Variants in STOX2 observed in about 807,000 individuals in gnomAD.
STOX2 encodes storkhead box 2.
A neutral mutation model predicts 60.9 loss-of-function variants in STOX2; 28 were observed. The ratio of observed to expected loss-of-function variants is 0.46; its 90% CI spans 0.34 to 0.63. The LOEUF is 0.63. Ranked by LOEUF, STOX2 falls within the 30% of genes least tolerant of loss-of-function variation. The probability of loss-of-function intolerance (pLI) is 0.01; values close to 1 mark genes in which losing one functional copy is unlikely to be tolerated. For synonymous variants in STOX2, 472 were observed against 463.9 expected, an observed-to-expected ratio of 1.02 and a Z score of -0.22; for missense variants, 1,024 against 1,187.7, an observed-to-expected ratio of 0.86 and a Z score of 2.03.
At chr4:183,891,358 TTATATA>T (rs60300009) in intron 1 of STOX2, among the ~76,000 whole-genome samples, 1,335 of 84,722 alleles carry the variant, frequency 0.016, 16 homozygotes, top group Non-Finnish European at 0.02. Flanking sequence ...ATGATGGAAT[TTATATA>T]TATATATATA....
At chr4:183,832,821 G>A (rs1739606344) in intron 1 of STOX2, among the ~76,000 whole-genome samples, 1 of 152,088 alleles carries the variant, frequency 6.6e-6, no homozygotes, top group Non-Finnish European at 1.5e-5. Context: ...CTGTCGTTAG[G>A]CTCTTCCTCT....
chr4:183,885,542 C>T (rs1239616631), intron 1 of STOX2, among the ~76,000 whole-genome samples: 1 of 152,074 alleles, frequency 6.6e-6, no homozygotes, highest in African/African-American at 2.4e-5. Context: ...GTGCAGGGTG[C>T]CGGCTGCCTC....
chr4:183,933,795 A>G (rs988713814), intron 1 of STOX2, among the ~76,000 whole-genome samples: 2 of 152,212 alleles, frequency 1.3e-5, no homozygotes, highest in African/African-American at 4.8e-5. Context: ...TTTAAAGAGC[A>G]TTTATTATTT....
At chr4:183,841,207 T>G (rs1431165519) in intron 1 of STOX2, among the ~76,000 whole-genome samples, 1 of 150,788 alleles carries the variant, frequency 6.6e-6, no homozygotes, top group Non-Finnish European at 1.5e-5. Context: ...ATTTATTTAT[T>G]TATTTATTTA....
chr4:183,995,762 C>T (rs1421407309), intron 1 of STOX2, among the ~76,000 whole-genome samples: 1 of 152,210 alleles, frequency 6.6e-6, no homozygotes, highest in African/African-American at 2.4e-5. Flanking sequence ...GCCTTCTTGT[C>T]AACCAGGATC....
Position 183,906,731 on chromosome 4 carries a change from G to A in STOX2, c.-60G>A. The A allele has an allele frequency of 7.0e-7, 1 of 1,438,694 alleles. No homozygotes were observed. The highest frequency in any genetic ancestry group is 9.2e-7 in the Non-Finnish European group (1 of 1,086,986). 89.1% of individuals were successfully genotyped at this position (1,438,694 alleles called of 1,614,324 possible). On this transcript the variant is annotated 5_prime_UTR_variant, in exon 1 of 4. Transcript: ENST00000308497. ...GTGCCCGCCGTAGACGGATGAAGGAGCGCGCTGCGCCCCGGCGCTGAGGCC... is the reference window on the plus strand; with the variant it reads ...GTGCCCGCCGTAGACGGATGAAGGAACGCGCTGCGCCCCGGCGCTGAGGCC...
At chr4:183,863,196 T>C (rs906132186) in intron 1 of STOX2, among the ~76,000 whole-genome samples, 1 of 152,172 alleles carries the variant, frequency 6.6e-6, no homozygotes, top group African/African-American at 2.4e-5. Flanking sequence ...CTCCCAGCCC[T>C]GGAGAGTCCC....
chr4:183,998,284 G>T (rs953127809), intron 1 of STOX2, among the ~76,000 whole-genome samples: 2 of 152,100 alleles, frequency 1.3e-5, no homozygotes, highest in African/African-American at 4.8e-5. Context: ...CTTTTCATCT[G>T]ACTTTAAAAA....
chr4:183,946,991 A>G (rs1158686157), intron 1 of STOX2, among the ~76,000 whole-genome samples: 1 of 152,144 alleles, frequency 6.6e-6, no homozygotes, highest in South Asian at 2.1e-4. Flanking sequence ...ATGATTTAAA[A>G]TATATGTAGG....
chr4:183,894,552 CT>C (rs558976190), intron 1 of STOX2, among the ~76,000 whole-genome samples: 2,232 of 145,594 alleles, frequency 0.015, 47 homozygotes, highest in African/African-American at 0.047. Context: ...TATATGGGAC[CT>C]TTTTTTTTTT....
At position 183,865,651 on chromosome 4, in the gene STOX2, T is replaced by C. The variant is rs975287838; in HGVS notation, c.364+67596T>C. On this transcript the variant is annotated intron_variant, in intron 1 of 2. Transcript: ENST00000513034. The surrounding 1 kb of genome is among the most constrained non-coding windows in gnomAD (Gnocchi z 4.1). Reference sequence around the variant, plus strand: ...ATGGGATGTAAAGAAAAAAATTCACTGAAGAGGAGGTAGTGATTTATGCTA... The same window carrying C: ...ATGGGATGTAAAGAAAAAAATTCACCGAAGAGGAGGTAGTGATTTATGCTA... 1.3e-5 allele frequency among the ~76,000 whole-genome samples: 2 copies of C among 152,116 alleles called. No individual in the cohort carries two copies. Among genetic ancestry groups the C allele is most frequent in the African/African-American group, 4.8e-5 (2 of 41,424 alleles).
intron 1 of STOX2, among the ~76,000 whole-genome samples, chr4:183,866,419 CT>C (rs1362938198): frequency 2.6e-5 from 4 of 152,098 alleles, no homozygotes; most frequent in African/African-American, 9.7e-5. Flanking sequence ...CCTGTTTCTC[CT>C]GGTGTTCTGA....
At chr4:183,888,817 G>A (rs1474116359) in intron 1 of STOX2, among the ~76,000 whole-genome samples, 1 of 152,034 alleles carries the variant, frequency 6.6e-6, no homozygotes, top group Non-Finnish European at 1.5e-5. Flanking sequence ...TCATTCTTTT[G>A]GATGGTGCTC....
chr4:183,860,394 T>C (rs1219765588), intron 1 of STOX2, among the ~76,000 whole-genome samples: 1 of 143,494 alleles, frequency 7.0e-6, no homozygotes, highest in Non-Finnish European at 1.5e-5. Context: ...CACTATTCCA[T>C]GCTGCCAGCT....
rs1181040975 is a variant in STOX2, at chr4:184,019,025, T to A, written c.*1741T>A. On this transcript the variant is annotated 3_prime_UTR_variant, in exon 4 of 4. Transcript: ENST00000308497. ...CTGTTTTTGTATGAGGTTTAATCACTAGCAATCTGTTTAAAGAATCCAGTC... is the reference window on the plus strand; with the variant it reads ...CTGTTTTTGTATGAGGTTTAATCACAAGCAATCTGTTTAAAGAATCCAGTC... The A allele has an allele frequency of 6.6e-6, 1 of 152,250 alleles. No homozygotes were observed. The highest frequency in any genetic ancestry group is 1.9e-4 in the East Asian group (1 of 5,206). 9.4% of individuals were successfully genotyped at this position (152,250 alleles called of 1,614,324 possible). A position where few individuals can be genotyped will look rare whatever the true frequency, so the allele number is the denominator to read the frequency against.
chr4:183,851,400 A>G, intron 1 of STOX2, among the ~76,000 whole-genome samples: 1 of 79,248 alleles, frequency 1.3e-5, no homozygotes, highest in Admixed American at 1.2e-4. Flanking sequence ...AAAGGATGAG[A>G]GGATGAGAGA....
At position 183,979,893 on chromosome 4, in the gene STOX2, G is replaced by A. The variant is rs953728176; in HGVS notation, c.167-21432G>A. ...TAGTTCCTCGGGAACTAATATTTTA[G>A]GCCCGGTCATGCCGAGTTCACCTTT... is the stretch of plus-strand genomic sequence containing the variant. On this transcript the variant is annotated intron_variant, in intron 1 of 3. Transcript: ENST00000308497. Among the ~76,000 whole-genome samples, 12 of 152,226 alleles carry A rather than the reference G, an allele frequency of 7.9e-5. No individual in the cohort carries two copies. The East Asian group carries it at 1.9e-3, about 24-fold the overall frequency.
chr4:183,872,276 G>A (rs984171060), intron 1 of STOX2, among the ~76,000 whole-genome samples: 2 of 152,042 alleles, frequency 1.3e-5, no homozygotes, highest in African/African-American at 4.8e-5. Context: ...GGCTAGTCTC[G>A]AACTTCTGAC....
intron 1 of STOX2, among the ~76,000 whole-genome samples, chr4:183,846,214 G>A (rs563269907): frequency 6.6e-6 from 1 of 152,266 alleles, no homozygotes; most frequent in South Asian, 2.1e-4. Flanking sequence ...GTTTTCTCTT[G>A]CTGCTTCCAG....
Sources: gnomAD v4.1 joint callset for allele counts (sites outside exome capture counted in the v4.1 genomes callset) on GRCh38, gnomAD v4.1.1 for gene constraint, Gnocchi (gnomAD v3.1) non-coding constraint, MANE v1.5 for transcripts, NCBI Gene and HGNC (gene_info 2026-07-23, HGNC 2026-07-21) for gene names.